Variants in COMMD6 observed in about 807,000 individuals in gnomAD.
COMMD6 encodes COMM domain containing 6.
Under a neutral mutation model 13.4 loss-of-function variants are expected in COMMD6, and 11 were observed. That is an observed-to-expected ratio of 0.82 (90% confidence interval 0.52 to 1.36). COMMD6 has a LOEUF of 1.36. Ranked by LOEUF, COMMD6 falls within the 40% of genes most tolerant of loss-of-function variation. The pLI, the probability that COMMD6 is intolerant of heterozygous loss-of-function variation, is 0.00. For missense variants in COMMD6, 124 were observed against 102.4 expected (o/e 1.21, Z -0.91); for synonymous variants, 43 against 36.5 (o/e 1.18, Z -0.64).
At chr13:75,537,303 T>C (rs2030702425) in intron 2 of COMMD6, 2 of 1,543,646 alleles carry the variant, frequency 1.3e-6, no homozygotes, top group Admixed American at 2.0e-5. Context: ...TCTTCAAAAA[T>C]AACTTAGAGA....
chr13:75,538,433 C>T (rs1187410442), upstream of COMMD6, among the ~76,000 whole-genome samples: 1 of 152,308 alleles, frequency 6.6e-6, no homozygotes, highest in Non-Finnish European at 1.5e-5. Flanking sequence ...TCCCCGCCAA[C>T]TTTGTATTTT....
rs1318821207 is a variant in COMMD6 at position 75,537,649 on chromosome 13, C to G, written c.54+15G>C. The G allele has an allele frequency of 6.2e-7, 1 of 1,613,662 alleles. No individual in the cohort carries two copies. Among genetic ancestry groups the G allele is most frequent in the African/African-American group, 1.3e-5 (1 of 74,940 alleles). The stretch of plus-strand genomic sequence containing the variant: ...CAGGCTGGCGGAGGACAGGGCGGGG[C>G]GGCCGCTCACCCACCTGGTTGGTGA... On this transcript the variant is annotated intron_variant, in intron 2 of 3. Coordinates refer to ENST00000682242, the MANE Select transcript of COMMD6 (RefSeq NM_203495.4).
intron 1 of COMMD6, among the ~76,000 whole-genome samples, chr13:75,548,765 A>C (rs1040487305): frequency 6.6e-6 from 1 of 152,202 alleles, no homozygotes; most frequent in Non-Finnish European, 1.5e-5. Flanking sequence ...AGAAGAAAAA[A>C]GAGACACTGC....
At chr13:75,548,438 C>T (rs1025854380) in intron 1 of COMMD6, among the ~76,000 whole-genome samples, 1 of 152,110 alleles carries the variant, frequency 6.6e-6, no homozygotes, top group African/African-American at 2.4e-5. Flanking sequence ...TTTCTGACTC[C>T]CTAACTGCTC....
At chr13:75,537,565 C>A in intron 2 of COMMD6, 99 bp downstream of exon 2, 1 of 1,572,058 alleles carries the variant, frequency 6.4e-7, no homozygotes, top group East Asian at 2.4e-5. Flanking sequence ...CTCGCGGACA[C>A]AGGACTAGGG....
intron 1 of COMMD6, among the ~76,000 whole-genome samples, chr13:75,546,508 T>C (rs564912641): frequency 6.6e-6 from 1 of 152,320 alleles, no homozygotes; most frequent in South Asian, 2.1e-4. Flanking sequence ...CATCAAACAT[T>C]AATTTGTCAA....
At chr13:75,536,462 A>T (rs185564613) in intron 2 of COMMD6, among the ~76,000 whole-genome samples, 173 of 152,348 alleles carry the variant, frequency 1.1e-3, no homozygotes, top group Middle Eastern at 0.01. Context: ...GTATTGGTAG[A>T]TGTGACAAAA....
chr13:75,540,482 CTG>C (rs1324239352), upstream of COMMD6, among the ~76,000 whole-genome samples: 2 of 152,114 alleles, frequency 1.3e-5, no homozygotes, highest in East Asian at 1.9e-4. Flanking sequence ...TCTTTAAAAA[CTG>C]TTTATTATTG....
intron 2 of COMMD6, among the ~76,000 whole-genome samples, chr13:75,536,678 G>A (rs900317003): frequency 5.9e-5 from 9 of 152,152 alleles, no homozygotes; most frequent in African/African-American, 1.9e-4. Flanking sequence ...CGCCTCAGAA[G>A]GAACAAAGCC....
intron 3 of COMMD6, among the ~76,000 whole-genome samples, chr13:75,529,106 T>C (rs1185769266): frequency 1.3e-5 from 2 of 152,204 alleles, no homozygotes; most frequent in East Asian, 3.9e-4. Context: ...ACTAACTTCG[T>C]ACTAGTGTAA....
chr13:75,547,018 G>A (rs2030914730), intron 1 of COMMD6, among the ~76,000 whole-genome samples: 1 of 152,102 alleles, frequency 6.6e-6, no homozygotes, highest in Non-Finnish European at 1.5e-5. Flanking sequence ...AATATATATT[G>A]TTGATTCATT....
chr13:75,525,940 G>A lies in COMMD6; in HGVS notation c.*649C>T, dbSNP rs549789330. 3.9e-5 allele frequency: 6 copies of A among 152,254 alleles called. No individual in the cohort carries two copies. The highest frequency in any genetic ancestry group is 3.9e-4 in the East Asian group (2 of 5,176). The allele number at this position is 152,254 out of a possible 1,614,324, so 9.4% of individuals were successfully genotyped here. A position where few individuals can be genotyped will look rare whatever the true frequency, so the allele number is the denominator to read the frequency against. ...ATCTAATGCAATAACTTGTGCTAACGGGTTAACTCCGTCGTACAGAACTCA... is the reference window on the plus strand; with the variant it reads ...ATCTAATGCAATAACTTGTGCTAACAGGTTAACTCCGTCGTACAGAACTCA... On this transcript the variant is annotated 3_prime_UTR_variant, in exon 4 of 4. Coordinates refer to ENST00000682242, the MANE Select transcript of COMMD6 (RefSeq NM_203495.4).
At chr13:75,542,837 T>C (rs2030848137), upstream of COMMD6, among the ~76,000 whole-genome samples, 1 of 152,208 alleles carries the variant, frequency 6.6e-6, no homozygotes, top group South Asian at 2.1e-4. Flanking sequence ...AGCCAGCCTT[T>C]GCTGATTTTG....
At chr13:75,545,273 G>C (rs890824810) in intron 1 of COMMD6, among the ~76,000 whole-genome samples, 1 of 152,156 alleles carries the variant, frequency 6.6e-6, no homozygotes, top group Admixed American at 6.5e-5. Context: ...GACTGACCCC[G>C]CCCAACCCCA....
chr13:75,532,642 T>C (rs749654813), intron 2 of COMMD6, among the ~76,000 whole-genome samples: 6 of 152,072 alleles, frequency 3.9e-5, no homozygotes, highest in East Asian at 3.9e-4. Flanking sequence ...TCATCCTGGC[T>C]AACACAGTGA....
intron 2 of COMMD6, among the ~76,000 whole-genome samples, chr13:75,532,598 G>A (rs985538506): frequency 3.3e-5 from 5 of 152,024 alleles, no homozygotes; most frequent in African/African-American, 9.7e-5. Flanking sequence ...TTGGGAGGCC[G>A]AGGTGGGCGG....
chr13:75,543,710 A>G (rs2030859603), upstream of COMMD6, among the ~76,000 whole-genome samples: 1 of 152,186 alleles, frequency 6.6e-6, no homozygotes, highest in African/African-American at 2.4e-5. Context: ...TTTGTCCCAC[A>G]AGGTTTTTAT....
chr13:75,527,100 T>A (rs1341961481), intron 3 of COMMD6, among the ~76,000 whole-genome samples: 1 of 152,210 alleles, frequency 6.6e-6, no homozygotes. Flanking sequence ...GAAGTTTATT[T>A]CTCTGTCATT....
chr13:75,539,293 C>T (rs1482478032), upstream of COMMD6, among the ~76,000 whole-genome samples: 1 of 151,580 alleles, frequency 6.6e-6, no homozygotes, highest in African/African-American at 2.4e-5. Flanking sequence ...GACTGGAGTG[C>T]AGTGGTGCAA....
Sources: gnomAD v4.1 joint callset for allele counts (sites outside exome capture counted in the v4.1 genomes callset) on GRCh38, gnomAD v4.1.1 for gene constraint, MANE v1.5 for transcripts, NCBI Gene and HGNC (gene_info 2026-07-23, HGNC 2026-07-21) for gene names.